Variants in HAUS2 observed in about 807,000 individuals in gnomAD.
The protein encoded by HAUS2 is HAUS augmin-like complex subunit 2.
A neutral mutation model predicts 21.6 loss-of-function variants in HAUS2; 20 were observed. That is an observed-to-expected ratio of 0.93 (90% CI 0.65 to 1.35). HAUS2 has a LOEUF of 1.35. Ranked by LOEUF, HAUS2 falls within the 40% of genes most tolerant of loss-of-function variation. HAUS2 has a pLI of 0.00. For missense variants in HAUS2, 297 were observed against 280.7 expected, an observed-to-expected ratio of 1.06 and a Z score of -0.42; for synonymous variants, 113 against 95.6, an observed-to-expected ratio of 1.18 and a Z score of -1.06.
rs2057944125 is a variant in HAUS2 at position 42,569,862 on chromosome 15, T to A, written c.*3046T>A. ...GTTTCAAAACATACTATGCTTTTTC[T>A]TCGTGTTATTTCCTATATTCATTTT... On this transcript the variant is annotated 3_prime_UTR_variant, in exon 6 of 6. Transcript: ENST00000260372. The A allele has an allele frequency of 6.6e-6, 1 of 152,262 alleles. No individual in the cohort carries two copies. The highest frequency in any genetic ancestry group is 2.1e-4 in the South Asian group (1 of 4,838). 9.4% of individuals were successfully genotyped at this position (152,262 alleles called of 1,614,324 possible). A position where few individuals can be genotyped will look rare whatever the true frequency, so the allele number is the denominator to read the frequency against.
intron 1 of HAUS2, among the ~76,000 whole-genome samples, chr15:42,551,556 G>A (rs1005710042): frequency 1.3e-5 from 2 of 152,116 alleles, no homozygotes; most frequent in African/African-American, 2.4e-5. Context: ...CATGAGAATC[G>A]CTTGAGCCCT....
intron 4 of HAUS2, 104 bp from the exon 5 acceptor site, chr15:42,563,645 T>C (rs2057872944): frequency 1.4e-6 from 1 of 720,254 alleles, no homozygotes; most frequent in Non-Finnish European, 2.5e-6. Flanking sequence ...TCTAGGTTGA[T>C]TGTAATTCTT....
In HAUS2 at chr15:42,563,814, C is replaced by T; in HGVS notation, c.455C>T (p.Thr152Ile). ...GAGAGATTAGAAACCCACCTTGAAA[C>T]AATTAGAAATATTCCTCATTTAGCT... ...FIERLETHLE[T>I]IRNIPHLAAN... Residue 152 changes from threonine (T) to isoleucine (I), a missense_variant, in exon 5 of 6, where the codon ACA (threonine) becomes ATA (isoleucine). Thr to Ile is a moderately conservative substitution (Grantham distance 89). Coordinates refer to ENST00000260372, the MANE Select transcript of HAUS2 (RefSeq NM_018097.3). 1 of 1,570,488 alleles carries T rather than the reference C, an allele frequency of 6.4e-7. No individual in the cohort carries two copies. The highest frequency in any genetic ancestry group is 1.1e-5 in the South Asian group (1 of 87,904).
intron 1 of HAUS2, among the ~76,000 whole-genome samples, chr15:42,557,220 G>T (rs1219248496): frequency 7.0e-6 from 1 of 142,864 alleles, no homozygotes; most frequent in Non-Finnish European, 1.5e-5. Flanking sequence ...GGAGGCTGAG[G>T]CAGGAGAATG....
At chr15:42,560,335 T>TA (rs967241412) in intron 3 of HAUS2, among the ~76,000 whole-genome samples, 1 of 151,606 alleles carries the variant, frequency 6.6e-6, no homozygotes, top group African/African-American at 2.4e-5. Flanking sequence ...GTTTTACAGG[T>TA]AAAAAATATC....
chr15:42,548,914 C>CG lies in HAUS2; in HGVS notation c.44dup (p.Ala16ArgfsTer23). On this transcript the variant is annotated frameshift_variant, in exon 1 of 6. Transcript: ENST00000260372. LOFTEE classifies it high-confidence loss of function. ...CGTGGGACCCGGCGTCCGCGCCTAA[C>CG]GGCGCTGGGCTAGTGCTAGGCCACT... The CG allele has an allele frequency of 6.5e-7, 1 of 1,548,518 alleles. No homozygotes were observed. The highest frequency in any genetic ancestry group is 8.7e-7 in the Non-Finnish European group (1 of 1,145,348).
intron 1 of HAUS2, among the ~76,000 whole-genome samples, chr15:42,555,093 G>A (rs1034923559): frequency 2.6e-5 from 4 of 151,384 alleles, no homozygotes; most frequent in African/African-American, 4.9e-5. Context: ...GGGTTCAAGC[G>A]ATTCTCCTGT....
intron 1 of HAUS2, among the ~76,000 whole-genome samples, chr15:42,554,286 CT>C (rs894187928): frequency 5.0e-4 from 74 of 147,482 alleles, no homozygotes; most frequent in African/African-American, 1.2e-3. Context: ...GGTTTTCCTT[CT>C]TTTTTTTTTA....
At chr15:42,552,991 T>C (rs1214813039) in intron 1 of HAUS2, among the ~76,000 whole-genome samples, 3 of 151,512 alleles carry the variant, frequency 2.0e-5, no homozygotes, top group Admixed American at 2.0e-4. Flanking sequence ...CAGGATTTTT[T>C]TTTTTTTTTT....
intron 1 of HAUS2, among the ~76,000 whole-genome samples, chr15:42,550,281 A>AG (rs1294657886): frequency 1.6e-5 from 2 of 124,510 alleles, no homozygotes; most frequent in African/African-American, 3.6e-5. Flanking sequence ...ACCCTGTCTC[A>AG]GGGAAAAAAA....
chr15:42,556,627 GGTTC>G (rs1346351029), intron 1 of HAUS2, among the ~76,000 whole-genome samples: 1 of 152,078 alleles, frequency 6.6e-6, no homozygotes, highest in African/African-American at 2.4e-5. Context: ...AACCATGCCT[GGTTC>G]ACAGGCTGTA....
At chr15:42,552,309 C>T (rs1184848678) in intron 1 of HAUS2, among the ~76,000 whole-genome samples, 1 of 152,186 alleles carries the variant, frequency 6.6e-6, no homozygotes, top group Admixed American at 6.5e-5. Flanking sequence ...CAGGCATGAG[C>T]CACTACACCC....
rs777354094 is a variant in HAUS2 at position 42,563,786 on chromosome 15, A to C, written c.427A>C (p.Ile143Leu). The C allele has an allele frequency of 6.3e-7, 1 of 1,582,178 alleles. No individual in the cohort carries two copies. The highest frequency in any genetic ancestry group is 1.7e-4 in the Middle Eastern group (1 of 6,000). The change falls in exon 5 of 6, where the codon ATT becomes CTT. Residue 143 changes from isoleucine (I) to leucine (L), a missense_variant. Ile to Leu is a conservative substitution (Grantham distance 5). Coordinates refer to ENST00000260372, the MANE Select transcript of HAUS2 (RefSeq NM_018097.3). The part of the protein sequence containing the change: ...VHLLELAVTF[I>L]ERLETHLETI... ...TTTGCTGGAGTTGGCTGTGACTTTC[A>C]TTGAGAGATTAGAAACCCACCTTGA...
At position 42,566,904 on chromosome 15, in the gene HAUS2, G is replaced by A; in HGVS notation, c.*88G>A. ...AACATGGGTATTAATAGTCTTTGCT[G>A]CTGGTAATACTGAAAGAACCTGCTT... On this transcript the variant is annotated 3_prime_UTR_variant, in exon 6 of 6. Transcript: ENST00000260372. The A allele has an allele frequency of 1.5e-6, 1 of 663,472 alleles. No homozygotes were observed. Among genetic ancestry groups the A allele is most frequent in the Non-Finnish European group, 2.7e-6 (1 of 374,526 alleles). The allele number at this position is 663,472 out of a possible 1,614,324, so 41.1% of individuals were successfully genotyped here.
At chr15:42,563,212 C>T (rs922379609) in intron 4 of HAUS2, among the ~76,000 whole-genome samples, 4 of 151,366 alleles carry the variant, frequency 2.6e-5, no homozygotes, top group African/African-American at 9.7e-5. Flanking sequence ...GTCAGGAGAT[C>T]GAGACCATCC....
In HAUS2 at chr15:42,558,290, G is replaced by C; in HGVS notation, c.186G>C (p.Gln62His). The change falls in exon 2 of 6, where the codon CAG (glutamine) becomes CAC (histidine). Residue 62 changes from glutamine (Q) to histidine (H), a missense_variant and splice_region_variant. Gln to His is a conservative substitution (Grantham distance 24, BLOSUM62 0). Coordinates refer to ENST00000260372, the MANE Select transcript of HAUS2 (RefSeq NM_018097.3). Reference protein sequence around the residue: ...QITNIQAEIYQKNLEIELLKL... With the variant: ...QITNIQAEIYHKNLEIELLKL... The stretch of plus-strand genomic sequence containing the variant: ...CAAATATTCAAGCTGAAATCTACCA[G>C]GTAAATCATTTTGTTTTCACTTTCT... 2 of 1,074,408 alleles carry C rather than the reference G, an allele frequency of 1.9e-6. No individual in the cohort carries two copies. Among genetic ancestry groups the C allele is most frequent in the African/African-American group, 1.6e-5 (1 of 61,950 alleles). 66.6% of individuals were successfully genotyped at this position (1,074,408 alleles called of 1,614,324 possible).
Position 42,566,705 on chromosome 15 carries a change from T to G in HAUS2, c.597T>G (p.Ser199=). 1 of 1,581,104 alleles carries G rather than the reference T, an allele frequency of 6.3e-7. No individual in the cohort carries two copies. The change falls in exon 6 of 6, where the codon TCT becomes TCG. Residue 199 remains serine (S), a synonymous_variant. Transcript: ENST00000260372. ...GTAAACAACAAAACGAAGTTTCGTC[T>G]TGTATCCCCAAAATATTAGCTGAAG... ...KWRKQQNEVS[S]CIPKILAEES...
intron 1 of HAUS2, among the ~76,000 whole-genome samples, chr15:42,550,833 T>A (rs952289752): frequency 6.6e-6 from 1 of 151,818 alleles, no homozygotes; most frequent in Non-Finnish European, 1.5e-5. Context: ...CTCACCCGGC[T>A]AATTTTTGTA....
intron 1 of HAUS2, among the ~76,000 whole-genome samples, chr15:42,556,941 A>C (rs1035375857): frequency 6.6e-6 from 1 of 151,734 alleles, no homozygotes. Flanking sequence ...CTATTTGGGA[A>C]GCTAAGGCAG....
Sources: gnomAD v4.1 joint callset for allele counts (sites outside exome capture counted in the v4.1 genomes callset) on GRCh38, gnomAD v4.1.1 for gene constraint, MANE v1.5 for transcripts, NCBI Gene and HGNC (gene_info 2026-07-23, HGNC 2026-07-21) for gene names.